The following HAUS6 variants were observed in gnomAD, a reference collection of about 807,000 sequenced individuals.
The protein encoded by HAUS6 is HAUS augmin-like complex subunit 6.
HAUS6 carries 80 observed loss-of-function variants against 106.8 expected under a neutral mutation model. That is an observed-to-expected ratio of 0.75 (90% CI 0.63 to 0.90). The LOEUF (loss-of-function observed/expected upper bound fraction) is 0.90. Among genes scored for constraint, HAUS6 ranks in the 40% least tolerant of loss-of-function variants. The pLI is 0.00. For synonymous variants in HAUS6, 356 were observed against 379.1 expected (o/e 0.94, Z 0.71); for missense variants, 1,155 against 1,118.1 (o/e 1.03, Z -0.47).
rs757894954 is a variant in HAUS6, at chr9:19,058,357, T to G, written c.2410A>C (p.Asn804His). The change falls in exon 16 of 17, where the codon AAT becomes CAT. Residue 804 changes from asparagine to histidine, a missense_variant. Asn to His is a moderately conservative substitution (Grantham distance 68). Coordinates refer to ENST00000380502, the MANE Select transcript of HAUS6 (RefSeq NM_017645.5). ...AGAGTGCCACCATGCATAGGACTAT[T>G]TGGCTCCAGTTTAAAATTGGCCTCT... ...SSEANFKLEP[N>H]SPMHGGTLLE... 6.2e-7 allele frequency: 1 copy of G among 1,613,956 alleles called. No homozygotes were observed. The highest frequency in any genetic ancestry group is 8.5e-7 in the Non-Finnish European group (1 of 1,179,858).
In HAUS6 at chr9:19,080,502, T is replaced by A; in HGVS notation, c.1041A>T (p.Arg347Ser). Residue 347 changes from arginine to serine, a missense_variant, in exon 9 of 17, where the codon AGA becomes AGT. Transcript: ENST00000380502. The stretch of plus-strand genomic sequence containing the variant: ...ACCTCATATGTTTCAGATCTGATAA[T>A]CTTTCCTTCTGAAATTTGGTCTCTT... ...LEKETKFQKE[R>S]LSDLKHMRYR... The A allele has an allele frequency of 6.2e-7, 1 of 1,607,498 alleles. No individual in the cohort carries two copies. Among genetic ancestry groups the A allele is most frequent in the Non-Finnish European group, 8.5e-7 (1 of 1,175,766 alleles).
chr9:19,088,202 G>C (rs1308562217), intron 5 of HAUS6, among the ~76,000 whole-genome samples: 1 of 152,014 alleles, frequency 6.6e-6, no homozygotes, highest in African/African-American at 2.4e-5. Flanking sequence ...ATCACCTGAG[G>C]TCAGGAGTTC....
At position 19,080,497 on chromosome 9, in the gene HAUS6, G is replaced by C; in HGVS notation, c.1046C>G (p.Ser349Ter). 1 of 1,606,230 alleles carries C rather than the reference G, an allele frequency of 6.2e-7. No homozygotes were observed. The highest frequency in any genetic ancestry group is 8.5e-7 in the Non-Finnish European group (1 of 1,174,712). ...KETKFQKERL[S>*]DLKHMRYRIK... ...AGTGTACCTCATATGTTTCAGATCT[G>C]ATAATCTTTCCTTCTGAAATTTGGT... Residue 349 changes from serine to a stop codon, truncating the protein, a stop_gained, in exon 9 of 17, where the codon TCA becomes TGA. Coordinates refer to ENST00000380502, the MANE Select transcript of HAUS6 (RefSeq NM_017645.5). LOFTEE classifies it high-confidence loss of function.
At chr9:19,078,331 A>G (rs757403668) in intron 9 of HAUS6, 29 bp from the exon 10 acceptor site, 34 of 1,259,804 alleles carry the variant, frequency 2.7e-5, no homozygotes, top group Non-Finnish European at 3.6e-5. Context: ...ACTTTATTCA[A>G]AAGATGATAC....
intron 11 of HAUS6, among the ~76,000 whole-genome samples, chr9:19,072,565 C>G (rs1250924308): frequency 6.6e-6 from 1 of 151,058 alleles, no homozygotes; most frequent in Non-Finnish European, 1.5e-5. Context: ...AGCAAACAGC[C>G]TCAAAAACAA....
intron 1 of HAUS6, among the ~76,000 whole-genome samples, chr9:19,099,283 C>T (rs1490512527): frequency 6.6e-6 from 1 of 151,336 alleles, no homozygotes; most frequent in East Asian, 2.0e-4. Context: ...TCTCCTGCCT[C>T]AGCCTCCCGA....
At chr9:19,063,326 T>TG in intron 13 of HAUS6, 133 bp from the exon 14 acceptor site, 1 of 691,878 alleles carries the variant, frequency 1.4e-6, no homozygotes, top group South Asian at 2.1e-5. Flanking sequence ...TGTATGTCAC[T>TG]GGCAGAATTA....
rs1386656788 is a variant in HAUS6, at chr9:19,054,639, C to T, written c.*1704G>A. ...CTCAGACTTGGGTGGCCAACTTGAG[C>T]TTCCCTATCAGATAGTTACCAATCT... On this transcript the variant is annotated 3_prime_UTR_variant, in exon 17 of 17. Coordinates refer to ENST00000380502, the MANE Select transcript of HAUS6 (RefSeq NM_017645.5). 6.6e-6 allele frequency: 1 copy of T among 152,184 alleles called. No homozygotes were observed. Among genetic ancestry groups the T allele is most frequent in the Non-Finnish European group, 1.5e-5 (1 of 68,036 alleles). 9.4% of individuals were successfully genotyped at this position (152,184 alleles called of 1,614,324 possible).
intron 1 of HAUS6, 58 bp from the exon 2 acceptor site, chr9:19,096,827 C>T: frequency 1.3e-6 from 1 of 779,298 alleles, no homozygotes; most frequent in Non-Finnish European, 2.1e-6. Flanking sequence ...AGCTAAACAT[C>T]ATCAAAAGCT....
chr9:19,056,756 G>A (rs7856768), intron 16 of HAUS6: 78,442 of 180,596 alleles, frequency 0.43, 18,279 homozygotes, highest in African/African-American at 0.63. Flanking sequence ...ATGCGCCAAC[G>A]TGCCCAGCTA....
chr9:19,067,170 T>C (rs1236779028), intron 12 of HAUS6, among the ~76,000 whole-genome samples: 5 of 152,232 alleles, frequency 3.3e-5, no homozygotes, highest in African/African-American at 1.2e-4. Flanking sequence ...CACATATGAA[T>C]TTCCCAGTTA....
chr9:19,084,660 TCTCA>T (rs939242967), intron 7 of HAUS6, among the ~76,000 whole-genome samples: 29 of 150,508 alleles, frequency 1.9e-4, no homozygotes, highest in African/African-American at 7.1e-4. Context: ...TGAAACAAGG[TCTCA>T]CTCTGTCACC....
rs952271934 is a variant in HAUS6, at chr9:19,054,683, A to G, written c.*1660T>C. 12 of 152,346 alleles carry G rather than the reference A, an allele frequency of 7.9e-5. No homozygotes were observed. Among genetic ancestry groups the G allele is most frequent in the African/African-American group, 2.6e-4 (11 of 41,578 alleles). The allele number at this position is 152,346 out of a possible 1,614,324, so 9.4% of individuals were successfully genotyped here. On this transcript the variant is annotated 3_prime_UTR_variant, in exon 17 of 17. Transcript: ENST00000380502. Reference sequence around the variant, plus strand: ...CCAATCTCTACCCAAGTATATATGCAACAACGTACCTGCTTCTTAAAAGTA... The same window carrying G: ...CCAATCTCTACCCAAGTATATATGCGACAACGTACCTGCTTCTTAAAAGTA...
chr9:19,068,961 G>A (rs1251534446), intron 12 of HAUS6, among the ~76,000 whole-genome samples: 2 of 152,052 alleles, frequency 1.3e-5, no homozygotes, highest in African/African-American at 4.8e-5. Flanking sequence ...TAAATCTGGT[G>A]GTTATAGTAA....
chr9:19,057,879 A>G, intron 16 of HAUS6, 82 bp downstream of exon 16: 1 of 743,168 alleles, frequency 1.3e-6, no homozygotes, highest in Non-Finnish European at 2.2e-6. Context: ...AAGGTCATGC[A>G]GCATTCTTTG....
At chr9:19,089,347 C>G in intron 5 of HAUS6, 65 bp downstream of exon 5, 1 of 1,014,546 alleles carries the variant, frequency 9.9e-7, no homozygotes, top group Non-Finnish European at 1.5e-6. Flanking sequence ...TTTCTCCTGA[C>G]ATTATATTGG....
chr9:19,086,081 G>A (rs1837287679), intron 7 of HAUS6, among the ~76,000 whole-genome samples: 1 of 152,020 alleles, frequency 6.6e-6, no homozygotes. Context: ...GGAGACTGAG[G>A]CGGGCAGATC....
At chr9:19,071,291 A>T (rs2092946788) in intron 11 of HAUS6, among the ~76,000 whole-genome samples, 1 of 152,220 alleles carries the variant, frequency 6.6e-6, no homozygotes. Flanking sequence ...AAATACCTAG[A>T]ATGAAGCCAT....
chr9:19,068,888 G>T (rs1374459988), intron 12 of HAUS6, among the ~76,000 whole-genome samples: 2 of 152,068 alleles, frequency 1.3e-5, no homozygotes, highest in South Asian at 2.1e-4. Context: ...AAAAAAAAAG[G>T]CAATAAAGAA....
Sources: allele counts gnomAD v4.1 joint callset (sites outside exome capture counted in the v4.1 genomes callset), GRCh38; gene constraint gnomAD v4.1.1; transcripts MANE v1.5; gene names NCBI Gene and HGNC (gene_info 2026-07-23, HGNC 2026-07-21).